AK8: variants seen among roughly 807,000 people sequenced by gnomAD.
AK8 encodes the protein adenylate kinase 8.
Under a neutral mutation model 54.6 loss-of-function variants are expected in AK8, and 44 were observed. The ratio of observed to expected loss-of-function variants is 0.81; its 90% CI spans 0.63 to 1.04. AK8 has a LOEUF of 1.04. Ranked by LOEUF, AK8 falls within the 50% of genes least tolerant of loss-of-function variation. The pLI is 0.00. For synonymous variants in AK8, 239 were observed against 245.6 expected (o/e 0.97, Z 0.25); for missense variants, 555 against 613.6 (o/e 0.90, Z 1.01).
intron 11 of AK8, among the ~76,000 whole-genome samples, chr9:132,758,254 C>T (rs1444126318): frequency 4.6e-5 from 7 of 152,140 alleles, no homozygotes; most frequent in African/African-American, 1.4e-4. Context: ...GCCACACATA[C>T]GGCATGTTTA....
At chr9:132,786,677 T>C (rs756648499) in intron 11 of AK8, among the ~76,000 whole-genome samples, 40 of 152,194 alleles carry the variant, frequency 2.6e-4, no homozygotes, top group Non-Finnish European at 1.8e-4. Context: ...GCTCTTTCCA[T>C]GCACTCAGAG....
chr9:132,852,712 G>A (rs1843013091), intron 5 of AK8, among the ~76,000 whole-genome samples: 1 of 141,162 alleles, frequency 7.1e-6, no homozygotes, highest in African/African-American at 2.6e-5. Flanking sequence ...AGAGGTTGCA[G>A]TGAGCCGAGA....
chr9:132,778,883 T>G (rs1473764748), intron 11 of AK8, among the ~76,000 whole-genome samples: 1 of 152,056 alleles, frequency 6.6e-6, no homozygotes, highest in Non-Finnish European at 1.5e-5. Context: ...AAAAAAAAAT[T>G]TCCAGTTTTC....
chr9:132,821,519 A>C (rs1274770513), intron 9 of AK8, among the ~76,000 whole-genome samples: 2 of 151,928 alleles, frequency 1.3e-5, no homozygotes, highest in African/African-American at 4.8e-5. Context: ...TAGTAATCAA[A>C]TTTGCAGAGT....
At chr9:132,813,332 GGGAGGCCCAAGCAGA>G (rs1164590287) in intron 10 of AK8, among the ~76,000 whole-genome samples, 2 of 152,246 alleles carry the variant, frequency 1.3e-5, no homozygotes, top group Admixed American at 1.3e-4. Context: ...ACATCTCCCG[GGGAGGCCCAAGCAGA>G]GGATGGCTGG....
chr9:132,799,945 C>T lies in AK8; in HGVS notation c.980-7170G>A, dbSNP rs1588144097. Among the ~76,000 whole-genome samples, 1 of 152,104 alleles carries T rather than the reference C, an allele frequency of 6.6e-6. No individual in the cohort carries two copies. Among genetic ancestry groups the T allele is most frequent in the African/African-American group, 2.4e-5 (1 of 41,390 alleles). On this transcript the variant is annotated intron_variant, in intron 10 of 12. Coordinates refer to ENST00000298545, the MANE Select transcript of AK8 (RefSeq NM_152572.3). This position sits in a 1 kb window ranked among gnomAD's most constrained non-coding sequence, Gnocchi z 5.0. ...CCCCTCCTGAAGGATCCCAATAGGA[C>T]CCAGGAGGTCCAGGGAATCTTACAA...
chr9:132,731,792 G>A (rs745313234), intron 11 of AK8, among the ~76,000 whole-genome samples: 12 of 152,182 alleles, frequency 7.9e-5, no homozygotes, highest in Non-Finnish European at 1.6e-4. Context: ...AAAAGACTCA[G>A]GTTGTGCTGA....
chr9:132,740,321 C>T (rs184543492), intron 11 of AK8, among the ~76,000 whole-genome samples: 4 of 152,348 alleles, frequency 2.6e-5, no homozygotes, highest in East Asian at 1.9e-4. Context: ...CTTTTCACAT[C>T]AGCAAACAAA....
At chr9:132,729,693 C>G (rs1836743484) in intron 11 of AK8, among the ~76,000 whole-genome samples, 1 of 152,150 alleles carries the variant, frequency 6.6e-6, no homozygotes, top group Non-Finnish European at 1.5e-5. Context: ...ATTTAAGAGT[C>G]TCCTCCTTGA....
chr9:132,795,335 CT>C (rs1452742369), intron 10 of AK8, among the ~76,000 whole-genome samples: 3 of 152,154 alleles, frequency 2.0e-5, no homozygotes, highest in Non-Finnish European at 4.4e-5. Flanking sequence ...TATAGACCCC[CT>C]GTACACTCGG....
chr9:132,762,353 C>T (rs762062854), intron 11 of AK8, among the ~76,000 whole-genome samples: 1 of 152,120 alleles, frequency 6.6e-6, no homozygotes, highest in Non-Finnish European at 1.5e-5. Context: ...CATTAATTTT[C>T]AACTGTTCTT....
chr9:132,831,352 CAT>C (rs1374286428), intron 5 of AK8, among the ~76,000 whole-genome samples: 1 of 152,148 alleles, frequency 6.6e-6, no homozygotes, highest in Non-Finnish European at 1.5e-5. Context: ...ATTATCGTCT[CAT>C]GTGCTTAAGT....
intron 11 of AK8, among the ~76,000 whole-genome samples, chr9:132,755,270 C>T (rs1838133233): frequency 6.6e-6 from 1 of 152,206 alleles, no homozygotes; most frequent in Non-Finnish European, 1.5e-5. Flanking sequence ...ACCCCCTCAG[C>T]CGCTTTCTTG....
intron 5 of AK8, among the ~76,000 whole-genome samples, chr9:132,840,226 A>G (rs1842482582): frequency 6.6e-6 from 1 of 152,174 alleles, no homozygotes; most frequent in African/African-American, 2.4e-5. Flanking sequence ...AGCAAGCATC[A>G]AGAAAGCAAA....
intron 5 of AK8, among the ~76,000 whole-genome samples, chr9:132,844,297 CAAAAAAA>C (rs35309762): frequency 1.2e-4 from 11 of 92,632 alleles, no homozygotes; most frequent in East Asian, 9.9e-4. Context: ...TGCATTAGAC[CAAAAAAA>C]AAAAAAAAAA....
At chr9:132,840,239 C>G (rs770414401) in intron 5 of AK8, among the ~76,000 whole-genome samples, 5 of 152,148 alleles carry the variant, frequency 3.3e-5, no homozygotes, top group Admixed American at 6.5e-5. Flanking sequence ...AAAGCAAATT[C>G]CTGCTGCAGT....
intron 5 of AK8, among the ~76,000 whole-genome samples, chr9:132,851,406 G>A (rs1015651163): frequency 2.6e-4 from 39 of 152,234 alleles, no homozygotes; most frequent in Non-Finnish European, 4.8e-4. Context: ...GAAGTGAGTG[G>A]CAGAGCAGGA....
chr9:132,858,582 C>A (rs1253000089), intron 4 of AK8, among the ~76,000 whole-genome samples: 2 of 152,204 alleles, frequency 1.3e-5, no homozygotes, highest in Non-Finnish European at 2.9e-5. Flanking sequence ...CCCCCACACC[C>A]CCCTTCTCCA....
In AK8 at chr9:132,839,820, C is replaced by CGGGG. The variant is rs11368446; in HGVS notation, c.403-11098_403-11095dup. 1.8e-4 allele frequency among the ~76,000 whole-genome samples: 13 copies of CGGGG among 73,702 alleles called. No homozygotes were observed. In the East Asian group the frequency reaches 2.2e-3, roughly 13 times the overall value. The allele number at this position is 73,702 out of a possible 152,430, so 48.4% of individuals were successfully genotyped here. On this transcript the variant is annotated intron_variant, in intron 5 of 12. Transcript: ENST00000298545. Reference sequence around the variant, plus strand: ...ATTGTAAAGAAAACATTTTTTTTGCCGGGGGGGGGGGCGCAGGGACGGAGC... The same window carrying CGGGG: ...ATTGTAAAGAAAACATTTTTTTTGCCGGGGGGGGGGGGGGGCGCAGGGACGGAGC...
Sources: gnomAD v4.1 joint callset for allele counts (sites outside exome capture counted in the v4.1 genomes callset) on GRCh38, gnomAD v4.1.1 for gene constraint, Gnocchi (gnomAD v3.1) non-coding constraint, MANE v1.5 for transcripts, NCBI Gene and HGNC (gene_info 2026-07-23, HGNC 2026-07-21) for gene names.